SPATA16: variants seen among roughly 807,000 people sequenced by gnomAD.
The protein encoded by SPATA16 is spermatogenesis-associated protein 16.
A neutral mutation model predicts 63.3 loss-of-function variants in SPATA16; 36 were observed. The observed-to-expected ratio is 0.57, with a 90% CI of 0.44 to 0.75. The LOEUF is 0.75. SPATA16 is among the 30% of genes least tolerant of loss of function. SPATA16 has a pLI of 0.00. For synonymous variants in SPATA16, 203 were observed against 216.7 expected, an observed-to-expected ratio of 0.94 and a Z score of 0.56; for missense variants, 646 against 679.3, an observed-to-expected ratio of 0.95 and a Z score of 0.54.
At chr3:173,133,443 A>C (rs1395179471) in intron 1 of SPATA16, among the ~76,000 whole-genome samples, 1 of 152,088 alleles carries the variant, frequency 6.6e-6, no homozygotes, top group African/African-American at 2.4e-5. Flanking sequence ...CTTCATCACC[A>C]CAGCCATGTT....
chr3:173,038,788 G>A (rs1735774816), intron 3 of SPATA16, among the ~76,000 whole-genome samples: 1 of 152,172 alleles, frequency 6.6e-6, no homozygotes, highest in Non-Finnish European at 1.5e-5. Context: ...TGTTTGAAAT[G>A]TCACAAGGGT....
intron 2 of SPATA16, among the ~76,000 whole-genome samples, chr3:173,068,344 G>T (rs975183178): frequency 5.3e-5 from 8 of 152,122 alleles, no homozygotes; most frequent in Non-Finnish European, 1.0e-4. Flanking sequence ...GTCAAAAAGT[G>T]GGAGAAAACG....
chr3:173,080,110 G>A (rs16846558), intron 2 of SPATA16, among the ~76,000 whole-genome samples: 31,923 of 152,122 alleles, frequency 0.21, 3,546 homozygotes, highest in South Asian at 0.3. Context: ...ATTACTCAGT[G>A]TGTGGTGTTT....
chr3:173,063,755 T>G (rs1335987028), intron 2 of SPATA16, among the ~76,000 whole-genome samples: 1 of 152,136 alleles, frequency 6.6e-6, no homozygotes, highest in African/African-American at 2.4e-5. Flanking sequence ...TAAATGTAAG[T>G]GGGGAAAATT....
chr3:172,890,853 T>G (rs1178854406), intron 10 of SPATA16, among the ~76,000 whole-genome samples: 2 of 150,332 alleles, frequency 1.3e-5, no homozygotes, highest in Non-Finnish European at 3.0e-5. Context: ...AAGCACATTG[T>G]TTTTTATGAT....
chr3:172,966,851 G>A (rs1369596907), intron 5 of SPATA16, among the ~76,000 whole-genome samples: 1 of 152,116 alleles, frequency 6.6e-6, no homozygotes, highest in Non-Finnish European at 1.5e-5. Context: ...TCATGGAATA[G>A]TTATTACACA....
chr3:173,101,882 G>A (rs16846568), intron 2 of SPATA16, among the ~76,000 whole-genome samples: 15,045 of 152,048 alleles, frequency 0.099, 939 homozygotes, highest in East Asian at 0.25. Flanking sequence ...TTCACTGGAC[G>A]CTTTCTTCTG....
intron 5 of SPATA16, among the ~76,000 whole-genome samples, chr3:172,964,338 G>T (rs188087138): frequency 6.6e-6 from 1 of 152,304 alleles, no homozygotes; most frequent in Non-Finnish European, 1.5e-5. Flanking sequence ...GTATGTTCTT[G>T]TTCTATAGAC....
intron 8 of SPATA16, among the ~76,000 whole-genome samples, chr3:172,921,941 C>CA (rs1458770765): frequency 6.6e-6 from 1 of 152,142 alleles, no homozygotes; most frequent in African/African-American, 2.4e-5. Context: ...CAAATAATGA[C>CA]AATTCAATGC....
intron 6 of SPATA16, among the ~76,000 whole-genome samples, chr3:172,939,640 G>T (rs4894438): frequency 0.17 from 26,391 of 152,200 alleles, 2,691 homozygotes; most frequent in Admixed American, 0.27. Flanking sequence ...ATATAGAAAT[G>T]CAAGGGCTAA....
At chr3:173,072,700 C>A (rs1736702870) in intron 2 of SPATA16, among the ~76,000 whole-genome samples, 1 of 152,120 alleles carries the variant, frequency 6.6e-6, no homozygotes, top group South Asian at 2.1e-4. Flanking sequence ...CTTTATAAAT[C>A]ACCCAGTCTC....
chr3:173,018,979 A>G (rs1240849205), intron 4 of SPATA16, among the ~76,000 whole-genome samples: 1 of 152,144 alleles, frequency 6.6e-6, no homozygotes, highest in Non-Finnish European at 1.5e-5. Flanking sequence ...TCTGGGATGC[A>G]AATATTAGGG....
chr3:172,936,714 T>C (rs1733003113), intron 6 of SPATA16, among the ~76,000 whole-genome samples: 1 of 152,050 alleles, frequency 6.6e-6, no homozygotes, highest in African/African-American at 2.4e-5. Flanking sequence ...TTTTTATTTA[T>C]TTATTTTTTT....
intron 2 of SPATA16, among the ~76,000 whole-genome samples, chr3:173,103,512 C>T (rs145151043): frequency 1.1e-3 from 175 of 152,360 alleles, no homozygotes; most frequent in African/African-American, 4.2e-3. Context: ...ACCACCAAGG[C>T]TTATGGCTCC....
chr3:172,906,015 C>T, intron 10 of SPATA16, among the ~76,000 whole-genome samples: 1 of 152,218 alleles, frequency 6.6e-6, no homozygotes, highest in East Asian at 1.9e-4. Flanking sequence ...CTGATCTTCT[C>T]AATGCCAGGT....
At chr3:173,073,738 G>C (rs1736725784) in intron 2 of SPATA16, among the ~76,000 whole-genome samples, 1 of 152,228 alleles carries the variant, frequency 6.6e-6, no homozygotes, top group Non-Finnish European at 1.5e-5. Flanking sequence ...CCCCCACACA[G>C]AGTCCCCACT....
intron 4 of SPATA16, among the ~76,000 whole-genome samples, chr3:173,010,256 G>A (rs1266356365): frequency 1.3e-5 from 2 of 152,146 alleles, no homozygotes; most frequent in Non-Finnish European, 2.9e-5. Flanking sequence ...GCCCCCCTCT[G>A]TTGCCCCCAG....
intron 2 of SPATA16, among the ~76,000 whole-genome samples, chr3:173,050,097 G>C (rs994359969): frequency 2.0e-5 from 3 of 152,076 alleles, no homozygotes; most frequent in Non-Finnish European, 4.4e-5. Context: ...TTGCTTAAAT[G>C]ACATAGTTTA....
intron 3 of SPATA16, among the ~76,000 whole-genome samples, chr3:173,045,025 A>C (rs1421194061): frequency 6.6e-6 from 1 of 152,106 alleles, no homozygotes; most frequent in East Asian, 1.9e-4. Context: ...AGGTCACCTA[A>C]GTATTTCCAT....
Sources: gnomAD v4.1 joint callset for allele counts (sites outside exome capture counted in the v4.1 genomes callset) on GRCh38, gnomAD v4.1.1 for gene constraint, MANE v1.5 for transcripts, NCBI Gene and HGNC (gene_info 2026-07-23, HGNC 2026-07-21) for gene names.